CLVS1: variants seen among roughly 807,000 people sequenced by gnomAD.
CLVS1 encodes clavesin 1.
A neutral mutation model predicts 33.1 loss-of-function variants in CLVS1; 10 were observed. That is an observed-to-expected ratio of 0.30 (90% confidence interval 0.19 to 0.51). The LOEUF (loss-of-function observed/expected upper bound fraction) is 0.51. CLVS1 is among the 20% of genes least tolerant of loss of function. CLVS1 has a pLI of 0.97. For synonymous variants in CLVS1, 163 were observed against 166.1 expected (o/e 0.98, Z 0.14); for missense variants, 343 against 433.4 (o/e 0.79, Z 1.85).
intron 2 of CLVS1, among the ~76,000 whole-genome samples, chr8:61,252,695 CT>C (rs760265668): frequency 3.7e-4 from 57 of 152,272 alleles, no homozygotes; most frequent in East Asian, 9.6e-4. Context: ...CTCCTTTGAT[CT>C]TTGTTGATTT....
the CLVS1 span, among the ~76,000 whole-genome samples, chr8:60,983,522 C>T: frequency 6.6e-6 from 1 of 152,148 alleles, no homozygotes; most frequent in East Asian, 1.9e-4. Flanking sequence ...TTTCAATGAT[C>T]ATCTGTCCTA....
At chr8:61,463,807 C>T (rs1332785548) in intron 5 of CLVS1, among the ~76,000 whole-genome samples, 2 of 152,064 alleles carry the variant, frequency 1.3e-5, no homozygotes, top group African/African-American at 4.8e-5. Context: ...TGGCTCAAGC[C>T]TGTAATCCTA....
At chr8:61,185,838 A>G (rs1400195805) in intron 2 of CLVS1, among the ~76,000 whole-genome samples, 1 of 152,198 alleles carries the variant, frequency 6.6e-6, no homozygotes, top group Non-Finnish European at 1.5e-5. Context: ...CCTAGCTTCC[A>G]GAAGGACCAT....
chr8:61,265,405 G>T (rs1433665687), intron 2 of CLVS1, among the ~76,000 whole-genome samples: 5 of 152,092 alleles, frequency 3.3e-5, no homozygotes, highest in African/African-American at 1.2e-4. Context: ...AACTATAAAT[G>T]GGCATAATCT....
intron 5 of CLVS1, among the ~76,000 whole-genome samples, chr8:61,492,979 T>TC (rs1479110560): frequency 2.6e-5 from 4 of 152,192 alleles, no homozygotes; most frequent in Non-Finnish European, 5.9e-5. Context: ...AAGGTCACTA[T>TC]CGAATGCATT....
intron 3 of CLVS1, among the ~76,000 whole-genome samples, chr8:61,422,611 A>T (rs1012981743): frequency 5.9e-5 from 9 of 152,220 alleles, no homozygotes; most frequent in African/African-American, 2.2e-4. Flanking sequence ...TTCCACCTGA[A>T]AACACAAACC....
the CLVS1 span, among the ~76,000 whole-genome samples, chr8:60,993,071 T>C: frequency 8.5e-5 from 13 of 152,340 alleles, no homozygotes; most frequent in East Asian, 1.9e-4. Flanking sequence ...CATGAAGGGA[T>C]GAGAAAGAGC....
chr8:61,091,785 A>G (rs1391696797), intron 1 of CLVS1, among the ~76,000 whole-genome samples: 2 of 152,232 alleles, frequency 1.3e-5, no homozygotes, highest in East Asian at 3.8e-4. Flanking sequence ...ACTAACAATG[A>G]CACATAAAAT....
chr8:61,299,314 G>A (rs1199336664), intron 1 of CLVS1, among the ~76,000 whole-genome samples: 2 of 152,088 alleles, frequency 1.3e-5, no homozygotes. Flanking sequence ...GCCTGTGAGT[G>A]GTCCCATAAA....
intron 2 of CLVS1, among the ~76,000 whole-genome samples, chr8:61,339,594 G>C (rs1585824751): frequency 6.6e-6 from 1 of 152,108 alleles, no homozygotes; most frequent in African/African-American, 2.4e-5. Flanking sequence ...ACATAATTGA[G>C]AGGTACTCTA....
chr8:61,214,738 G>T (rs946970380), intron 2 of CLVS1, among the ~76,000 whole-genome samples: 1 of 152,212 alleles, frequency 6.6e-6, no homozygotes. Flanking sequence ...CCTGATTTCA[G>T]ATGCCTGGGG....
intron 3 of CLVS1, among the ~76,000 whole-genome samples, chr8:61,424,874 A>G (rs1308577841): frequency 2.0e-5 from 3 of 152,210 alleles, no homozygotes; most frequent in Non-Finnish European, 2.9e-5. Context: ...CTTTTATGCA[A>G]TGCAAATAAA....
the CLVS1 span, among the ~76,000 whole-genome samples, chr8:61,019,551 G>A: frequency 6.6e-6 from 1 of 152,090 alleles, no homozygotes; most frequent in African/African-American, 2.4e-5. Flanking sequence ...TCTTATTCTA[G>A]CTTTGCTGGA....
chr8:61,062,297 C>T (rs1342684238), intron 1 of CLVS1, among the ~76,000 whole-genome samples: 1 of 152,212 alleles, frequency 6.6e-6, no homozygotes, highest in Non-Finnish European at 1.5e-5. Flanking sequence ...GCCAGCTGCA[C>T]ACCTTGAAAT....
intron 2 of CLVS1, among the ~76,000 whole-genome samples, chr8:61,221,708 G>T (rs1006540044): frequency 6.6e-6 from 1 of 152,102 alleles, no homozygotes; most frequent in African/African-American, 2.4e-5. Context: ...TAAAATGAGT[G>T]ATGGAGGAGT....
rs141065401 is a variant in CLVS1 at position 61,432,450 on chromosome 8, G to C, written c.631-21691G>C. Among the ~76,000 whole-genome samples, 902 of 151,966 alleles carry C rather than the reference G, an allele frequency of 5.9e-3. 13 individuals are homozygous for C. Among genetic ancestry groups the C allele is most frequent in the African/African-American group, 0.02 (847 of 41,460 alleles). ...GGATGGACCCTAATTCAACATGATT[G>C]GTGTCGTTATAACAAGAGGAGATTA... On this transcript the variant is annotated intron_variant, in intron 3 of 5. Coordinates refer to ENST00000325897, the MANE Select transcript of CLVS1 (RefSeq NM_173519.3).
chr8:61,320,028 T>C (rs571833248), intron 2 of CLVS1, among the ~76,000 whole-genome samples: 2 of 152,274 alleles, frequency 1.3e-5, no homozygotes, highest in African/African-American at 4.8e-5. Context: ...TAGGTTTGCT[T>C]CCTTAAGTAC....
rs1393611319 is a variant in CLVS1, at chr8:61,501,040, A to AAAG, written c.*1499_*1501dup. 6.6e-6 allele frequency: 1 copy of AAAG among 152,172 alleles called. No homozygotes were observed. Among genetic ancestry groups the AAAG allele is most frequent in the Non-Finnish European group, 1.5e-5 (1 of 68,020 alleles). 9.4% of individuals were successfully genotyped at this position (152,172 alleles called of 1,614,324 possible). Reference sequence around the variant, plus strand: ...TTTTATATTATACACTTGGAGAAATAAAGTTGAAACAGAATTAAAAATATT... The same window carrying AAAG: ...TTTTATATTATACACTTGGAGAAATAAAGAAGTTGAAACAGAATTAAAAATATT... On this transcript the variant is annotated 3_prime_UTR_variant, in exon 6 of 6. Coordinates refer to ENST00000325897, the MANE Select transcript of CLVS1 (RefSeq NM_173519.3).
upstream of CLVS1, among the ~76,000 whole-genome samples, chr8:61,054,714 C>T (rs530018238): frequency 4.4e-4 from 67 of 152,066 alleles, no homozygotes; most frequent in Non-Finnish European, 9.0e-4. Context: ...TTTGGGTCCA[C>T]GTGCAGATAA....
Sources: gnomAD v4.1 joint callset for allele counts (sites outside exome capture counted in the v4.1 genomes callset) on GRCh38, gnomAD v4.1.1 for gene constraint, MANE v1.5 for transcripts, NCBI Gene and HGNC (gene_info 2026-07-23, HGNC 2026-07-21) for gene names.